Variants in CBX6 observed in about 807,000 individuals in gnomAD.
CBX6 encodes the protein chromobox protein homolog 6.
Under a neutral mutation model 28.4 loss-of-function variants are expected in CBX6, and 7 were observed. The observed-to-expected ratio is 0.25, with a 90% CI of 0.14 to 0.46. The LOEUF (loss-of-function observed/expected upper bound fraction) is 0.46, where lower values mean the gene tolerates loss of function less well. Ranked by LOEUF, CBX6 falls within the 20% of genes least tolerant of loss-of-function variation. The pLI, the probability that CBX6 is intolerant of heterozygous loss-of-function variation, is 0.99. For missense variants in CBX6, 512 were observed against 606.1 expected, an observed-to-expected ratio of 0.84 and a Z score of 1.63; for synonymous variants, 297 against 273.4, an observed-to-expected ratio of 1.09 and a Z score of -0.85.
In CBX6 at chr22:38,871,307, C is replaced by T. The variant is rs1122771; in HGVS notation, c.246+173G>A. On this transcript the variant is annotated intron_variant, in intron 4 of 4. Coordinates refer to ENST00000407418, the MANE Select transcript of CBX6 (RefSeq NM_014292.5). The surrounding 1 kb of genome is among the most constrained non-coding windows in gnomAD (Gnocchi z 5.6). ...TGTTGAAGCTGATGCTGGCTGAGGC[C>T]TGCCATCAGGGGCTTCTGGGGGGGC... The T allele has an allele frequency of 0.81, 544,220 of 671,114 alleles. 221,390 individuals carry two copies. The highest frequency in any genetic ancestry group is 0.86 in the African/African-American group (47,723 of 55,236). The allele number at this position is 671,114 out of a possible 1,614,324, so 41.6% of individuals were successfully genotyped here.
chr22:38,871,677 T>G lies in CBX6; in HGVS notation c.179+15A>C. ...CTCGGCCTCGCAGCCCCTGCCAGCT[T>G]CCCCAACAACTCACTTTTGTTCGAA... On this transcript the variant is annotated intron_variant, in intron 3 of 4. Transcript: ENST00000407418. This position sits in a 1 kb window ranked among gnomAD's most constrained non-coding sequence, Gnocchi z 5.6. 4 of 1,613,328 alleles carry G rather than the reference T, an allele frequency of 2.5e-6. No homozygotes were observed. The highest frequency in any genetic ancestry group is 3.4e-6 in the Non-Finnish European group (4 of 1,179,628).
Position 38,866,486 on chromosome 22 carries a change from G to A in CBX6, c.962C>T (p.Ser321Leu), listed in dbSNP as rs750749058. The A allele has an allele frequency of 3.8e-6, 6 of 1,596,080 alleles. No individual in the cohort carries two copies. The highest frequency in any genetic ancestry group is 1.7e-4 in the Middle Eastern group (1 of 5,996). The change falls in exon 5 of 5, where the codon TCG (serine) becomes TTG (leucine). Residue 321 changes from serine to leucine, a missense_variant. Coordinates refer to ENST00000407418, the MANE Select transcript of CBX6 (RefSeq NM_014292.5). This position sits in a 1 kb window ranked among gnomAD's most constrained non-coding sequence, Gnocchi z 7.5. ...CGGTGCCCGCTTGCTGGTGGCTGCC[G>A]ACTCGGGAGGGAGGGACAGGTCGAG... ...EVLDLSLPPE[S>L]AATSKRAPPE... is the part of the protein sequence containing the mutation.
In CBX6 at chr22:38,866,287, G is replaced by A. The variant is rs370264487; in HGVS notation, c.1161C>T (p.Asn387=). Residue 387 remains asparagine, a synonymous_variant, in exon 5 of 5, where the codon AAC becomes AAT. Coordinates refer to ENST00000407418, the MANE Select transcript of CBX6 (RefSeq NM_014292.5). The surrounding 1 kb of genome is among the most constrained non-coding windows in gnomAD (Gnocchi z 7.5). ...CAGCCACCTTCTCGAAATCCTCAGG[G>A]TTGCAGAATTCCTTGATTGTGACCG... ...LLTVTIKEFC[N]PEDFEKVAAG... The A allele has an allele frequency of 1.2e-6, 2 of 1,613,852 alleles. No homozygotes were observed. The highest frequency in any genetic ancestry group is 2.7e-5 in the African/African-American group (2 of 75,048).
At chr22:38,867,425 C>G (rs1392084371) in intron 4 of CBX6, among the ~76,000 whole-genome samples, 2 of 152,216 alleles carry the variant, frequency 1.3e-5, no homozygotes, top group African/African-American at 4.8e-5. Flanking sequence ...CACCCTTGTC[C>G]AGGCCCAATT....
At chr22:38,867,504 G>A (rs2093173512) in intron 4 of CBX6, among the ~76,000 whole-genome samples, 1 of 152,184 alleles carries the variant, frequency 6.6e-6, no homozygotes, top group Non-Finnish European at 1.5e-5. Context: ...GCCACTCCAT[G>A]GCTGCCCTTG....
Position 38,865,826 on chromosome 22 carries a change from T to TG in CBX6, c.*382dup, listed in dbSNP as rs942507608. ...GGAAAGGGACTGTGTCCACCCTCGG[T>TG]GGGGGGCTCCTAAGGGCCCCACAGC... On this transcript the variant is annotated 3_prime_UTR_variant, in exon 5 of 5. Transcript: ENST00000407418. 6 of 212,556 alleles carry TG rather than the reference T, an allele frequency of 2.8e-5. No individual in the cohort carries two copies. The highest frequency in any genetic ancestry group is 4.7e-5 in the Non-Finnish European group (5 of 106,040). The allele number at this position is 212,556 out of a possible 1,614,324, so 13.2% of individuals were successfully genotyped here.
Position 38,866,994 on chromosome 22 carries a change from G to A in CBX6, c.454C>T (p.Pro152Ser). 6.2e-7 allele frequency: 1 copy of A among 1,608,028 alleles called. No homozygotes were observed. Among genetic ancestry groups the A allele is most frequent in the African/African-American group, 1.3e-5 (1 of 74,912 alleles). Residue 152 changes from proline to serine, a missense_variant, in exon 5 of 5, where the codon CCC becomes TCC. Transcript: ENST00000407418. This position sits in a 1 kb window ranked among gnomAD's most constrained non-coding sequence, Gnocchi z 7.5. ...ATGATGCGCACCGTCTCCGAGAAGG[G>A]CGAAATGGGCGGGCGCAGTCCGGGG... ...GSPGLRPPIS[P>S]FSETVRIINR...
rs768447845 is a variant in CBX6 at position 38,867,025 on chromosome 22, C to T, written c.423G>A (p.Gly141=). The T allele has an allele frequency of 6.2e-6, 10 of 1,605,352 alleles. No homozygotes were observed. In the East Asian group the frequency reaches 1.8e-4, roughly 29 times the overall value. The change falls in exon 5 of 5, where the codon GGG becomes GGA. Residue 141 remains glycine (G), a synonymous_variant. Transcript: ENST00000407418. ...RRPLPRPDPQ[G]GSPGLRPPIS... ...TGGGCGGGCGCAGTCCGGGGCTGCC[C>T]CCCTGCGGGTCCGGGCGGGGCAGGG...
chr22:38,861,990 T>G lies in CBX6; in HGVS notation c.*4219A>C, dbSNP rs946820753. 5.3e-5 allele frequency: 8 copies of G among 152,342 alleles called. No individual in the cohort carries two copies. Among genetic ancestry groups the G allele is most frequent in the Middle Eastern group, 3.4e-3 (1 of 294 alleles). The allele number at this position is 152,342 out of a possible 1,614,324, so 9.4% of individuals were successfully genotyped here. A position where few individuals can be genotyped will look rare whatever the true frequency, so the allele number is the denominator to read the frequency against. ...CGTATTTCTTTAGGCCTTTGTGTTT[T>G]TAAATTAAAACCAACAAAAAGAAGT... On this transcript the variant is annotated 3_prime_UTR_variant, in exon 5 of 5. Coordinates refer to ENST00000407418, the MANE Select transcript of CBX6 (RefSeq NM_014292.5).
At chr22:38,867,296 A>G in intron 4 of CBX6, 95 bp from the exon 5 acceptor site, 1 of 1,085,968 alleles carries the variant, frequency 9.2e-7, no homozygotes, top group Non-Finnish European at 1.3e-6. Flanking sequence ...AGAGCCTCTC[A>G]GCCAGCGATC....
chr22:38,867,027 C>G lies in CBX6; in HGVS notation c.421G>C (p.Gly141Arg), dbSNP rs201162501. ...RRPLPRPDPQGGSPGLRPPIS... is the reference protein window; with the variant it reads ...RRPLPRPDPQRGSPGLRPPIS... Reference sequence around the variant, plus strand: ...GGCGGGCGCAGTCCGGGGCTGCCCCCCTGCGGGTCCGGGCGGGGCAGGGGA... The same window carrying G: ...GGCGGGCGCAGTCCGGGGCTGCCCCGCTGCGGGTCCGGGCGGGGCAGGGGA... Residue 141 changes from glycine (G) to arginine (R), a missense_variant, in exon 5 of 5, where the codon GGG becomes CGG. Gly to Arg is a moderately radical substitution (Grantham distance 125). Coordinates refer to ENST00000407418, the MANE Select transcript of CBX6 (RefSeq NM_014292.5). 9 of 1,605,264 alleles carry G rather than the reference C, an allele frequency of 5.6e-6. No homozygotes were observed. Among genetic ancestry groups the G allele is most frequent in the African/African-American group, 4.0e-5 (3 of 74,850 alleles).
rs967653175 is a variant in CBX6, at chr22:38,866,455, C to G, written c.993G>C (p.Glu331Asp). 3.7e-6 allele frequency: 6 copies of G among 1,606,968 alleles called. No individual in the cohort carries two copies. In the African/African-American group the frequency reaches 6.7e-5, roughly 18 times the overall value. The change falls in exon 5 of 5, where the codon GAG (glutamate) becomes GAC (aspartate). Residue 331 changes from glutamate (E) to aspartate (D), a missense_variant. By Grantham distance (45) the Glu-to-Asp change is conservative. This residue lies in a region of CBX6 where 290 missense variants were observed against 274.1 expected (regional missense o/e 1.06). Transcript: ENST00000407418. This position sits in a 1 kb window ranked among gnomAD's most constrained non-coding sequence, Gnocchi z 7.5. The stretch of plus-strand genomic sequence containing the variant: ...GTGCCGGGCCGGCAGCAGCTGTGAC[C>G]TCAGGCGGTGCCCGCTTGCTGGTGG... ...SAATSKRAPP[E>D]VTAAAGPAPP...
Position 38,866,558 on chromosome 22 carries a change from G to C in CBX6, c.890C>G (p.Pro297Arg). ...GGGGGCGGATGGGCTCACGGTCTCG[G>C]GGAGGAGCTTGGGGGGCGTGTCGTC... ...DPDDTPPKLL[P>R]ETVSPSAPSW... The change falls in exon 5 of 5, where the codon CCC (proline) becomes CGC (arginine). Residue 297 changes from proline to arginine, a missense_variant. Around this residue, in one of 7 missense-constraint regions of CBX6, gnomAD observed 290 missense variants for 274.1 expected, o/e 1.06. Transcript: ENST00000407418. The surrounding 1 kb of genome is among the most constrained non-coding windows in gnomAD (Gnocchi z 7.5). The C allele has an allele frequency of 6.3e-7, 1 of 1,578,398 alleles. No homozygotes were observed.
chr22:38,869,192 C>A (rs181456078), intron 4 of CBX6, among the ~76,000 whole-genome samples: 1 of 152,344 alleles, frequency 6.6e-6, no homozygotes, highest in Admixed American at 6.5e-5. Flanking sequence ...CCCACACTTT[C>A]TGACTCTCAG....
intron 4 of CBX6, among the ~76,000 whole-genome samples, chr22:38,868,205 A>C (rs1414945605): frequency 2.0e-5 from 3 of 152,208 alleles, no homozygotes; most frequent in African/African-American, 7.2e-5. Flanking sequence ...TTCTTTACTA[A>C]GGAAGGTACT....
rs752719918 is a variant in CBX6, at chr22:38,871,962, A to C, written c.70-17T>G. The C allele has an allele frequency of 5.3e-5, 80 of 1,515,398 alleles. 1 individual carries two copies. In the South Asian group the frequency reaches 8.6e-4, roughly 16 times the overall value. 93.9% of individuals were successfully genotyped at this position (1,515,398 alleles called of 1,614,324 possible). Reference sequence around the variant, plus strand: ...GATGCGTCCCTGAAAAACAGAGGGGAGAAAAACGGGGGTGGGGGTGGGGAG... The same window carrying C: ...GATGCGTCCCTGAAAAACAGAGGGGCGAAAAACGGGGGTGGGGGTGGGGAG... On this transcript the variant is annotated splice_polypyrimidine_tract_variant and intron_variant, in intron 1 of 4. Transcript: ENST00000407418. The surrounding 1 kb of genome is among the most constrained non-coding windows in gnomAD (Gnocchi z 5.6).
chr22:38,867,236 G>T, intron 4 of CBX6, 35 bp from the exon 5 acceptor site: 1 of 1,514,982 alleles, frequency 6.6e-7, no homozygotes, highest in South Asian at 1.2e-5. Flanking sequence ...GGGACCTCAG[G>T]ACTGCCCGCT....
chr22:38,868,651 G>A (rs1311009560), intron 4 of CBX6, among the ~76,000 whole-genome samples: 1 of 152,136 alleles, frequency 6.6e-6, no homozygotes, highest in Admixed American at 6.5e-5. Context: ...CTGGGGCAGG[G>A]AGGCTTGTTA....
rs1389734187 is a variant in CBX6, at chr22:38,866,505, G to A, written c.943C>T (p.Leu315=). 6.3e-7 allele frequency: 1 copy of A among 1,589,666 alleles called. No individual in the cohort carries two copies. The highest frequency in any genetic ancestry group is 8.5e-7 in the Non-Finnish European group (1 of 1,173,718). Residue 315 remains leucine, a synonymous_variant, in exon 5 of 5, where the codon CTG becomes TTG. Transcript: ENST00000407418. The surrounding 1 kb of genome is among the most constrained non-coding windows in gnomAD (Gnocchi z 7.5). ...GCTGCCGACTCGGGAGGGAGGGACA[G>A]GTCGAGCACCTCCGGCTCGCGCCAG... ...PSWREPEVLD[L]SLPPESAATS... is the part of the protein sequence containing the mutation.
Sources: gnomAD v4.1 joint callset for allele counts (sites outside exome capture counted in the v4.1 genomes callset) on GRCh38, gnomAD v4.1.1 for gene constraint, gnomAD v4.1.1 regional missense constraint, Gnocchi (gnomAD v3.1) non-coding constraint, MANE v1.5 for transcripts, NCBI Gene and HGNC (gene_info 2026-07-23, HGNC 2026-07-21) for gene names.